Variants in ZNF672 observed in about 807,000 individuals in gnomAD.
ZNF672 encodes the protein hypothetical protein FLJ22301.
For missense variants in ZNF672, 733 were observed against 701.1 expected, an observed-to-expected ratio of 1.05 and a Z score of -0.51; for synonymous variants, 358 against 305.6, an observed-to-expected ratio of 1.17 and a Z score of -1.79.
chr1:248,848,086 T>C lies in ZNF672; in HGVS notation c.812T>C (p.Leu271Pro). 1 of 1,548,800 alleles carries C rather than the reference T, an allele frequency of 6.5e-7. No individual in the cohort carries two copies. The highest frequency in any genetic ancestry group is 8.7e-7 in the Non-Finnish European group (1 of 1,148,422). The change falls in exon 4 of 4, where the codon CTG (leucine) becomes CCG (proline). Residue 271 changes from leucine (L) to proline (P), a missense_variant. Physicochemically the swap from Leu to Pro is moderately conservative, Grantham distance 98. Transcript: ENST00000306562. Reference sequence around the variant, plus strand: ...TGCTTCAGCGAGAGTTCCACGCTGCTGCGCCATCGGCGCAGCCATCAGGGC... The same window carrying C: ...TGCTTCAGCGAGAGTTCCACGCTGCCGCGCCATCGGCGCAGCCATCAGGGC... ...GRCFSESSTLLRHRRSHQGER... is the reference protein window; with the variant it reads ...GRCFSESSTLPRHRRSHQGER...
chr1:248,847,765 G>A lies in ZNF672; in HGVS notation c.491G>A (p.Arg164His), dbSNP rs367960573. 2.7e-6 allele frequency: 4 copies of A among 1,506,086 alleles called. No homozygotes were observed. The highest frequency in any genetic ancestry group is 2.0e-5 in the Admixed American group (1 of 49,592). 93.3% of individuals were successfully genotyped at this position (1,506,086 alleles called of 1,614,324 possible). A position where few individuals can be genotyped will look rare whatever the true frequency, so the allele number is the denominator to read the frequency against. ...TTSDPAAPPH[R>H]CAQCPRAFRS... The stretch of plus-strand genomic sequence containing the variant: ...TCTGACCCTGCTGCCCCACCCCACC[G>A]CTGCGCGCAGTGCCCGCGAGCCTTC... Residue 164 changes from arginine (R) to histidine (H), a missense_variant, in exon 4 of 4, where the codon CGC (arginine) becomes CAC (histidine). By Grantham distance (29) the Arg-to-His change is conservative. Transcript: ENST00000306562.
intron 1 of ZNF672, among the ~76,000 whole-genome samples, chr1:248,843,451 G>C (rs1266072470): frequency 6.6e-6 from 1 of 152,150 alleles, no homozygotes; most frequent in Non-Finnish European, 1.5e-5. Context: ...CTAGGAACTA[G>C]GGCCTTGGAA....
Position 248,849,017 on chromosome 1 carries a change from CACATCTTCTCCTTTCCTGATT to C in ZNF672, c.*387_*407del, listed in dbSNP as rs1490777494. 1.9e-6 allele frequency: 1 copy of C among 517,056 alleles called. No individual in the cohort carries two copies. Among genetic ancestry groups the C allele is most frequent in the Admixed American group, 2.3e-5 (1 of 43,862 alleles). The allele number at this position is 517,056 out of a possible 1,614,324, so 32.0% of individuals were successfully genotyped here. A position where few individuals can be genotyped will look rare whatever the true frequency, so the allele number is the denominator to read the frequency against. On this transcript the variant is annotated 3_prime_UTR_variant, in exon 4 of 4. Coordinates refer to ENST00000306562, the MANE Select transcript of ZNF672 (RefSeq NM_024836.3). ...TCTCTTGTCCTATCTCATTCCAGCC[CACATCTTCTCCTTTCCTGATT>C]ACTTTTGTTGTCCTGCCTCTTCAGG...
Position 248,847,963 on chromosome 1 carries a change from C to G in ZNF672, c.689C>G (p.Pro230Arg). 2 of 1,564,784 alleles carry G rather than the reference C, an allele frequency of 1.3e-6. No individual in the cohort carries two copies. Among genetic ancestry groups the G allele is most frequent in the Non-Finnish European group, 1.7e-6 (2 of 1,156,210 alleles). Residue 230 changes from proline (P) to arginine (R), a missense_variant, in exon 4 of 4, where the codon CCG (proline) becomes CGG (arginine). Transcript: ENST00000306562. ...TCGGGGGAGAAACCCTTCAAGTGCC[C>G]GGAGTGCGGCAAGGGCTTCCTGGAG... is the stretch of plus-strand genomic sequence containing the variant. ...THSGEKPFKC[P>R]ECGKGFLESA... is the part of the protein sequence containing the mutation.
Position 248,841,716 on chromosome 1 carries a change from G to A in ZNF672, c.-474-2767G>A, listed in dbSNP as rs548376939. Among the ~76,000 whole-genome samples, 24 of 152,332 alleles carry A rather than the reference G, an allele frequency of 1.6e-4. No homozygotes were observed. In the South Asian group the frequency reaches 5.0e-3, roughly 32 times the overall value. The stretch of plus-strand genomic sequence containing the variant: ...GCAGGAGGATCAACTGAGGCCAGGA[G>A]TTCAAGACCAGCCTGGGCAACATGG... On this transcript the variant is annotated intron_variant, in intron 1 of 3. Transcript: ENST00000306562.
rs528819077 is a variant in ZNF672, at chr1:248,841,517, A to G, written c.-475+2966A>G. 2.7e-5 allele frequency among the ~76,000 whole-genome samples: 4 copies of G among 150,422 alleles called. No individual in the cohort carries two copies. The East Asian group carries it at 5.8e-4, about 22-fold the overall frequency. On this transcript the variant is annotated intron_variant, in intron 1 of 3. Transcript: ENST00000306562. ...CCTACATCCTGTTGCCTGTGTCTCAAAAGGACAGGGCAAGCTCCCACTATG... is the reference window on the plus strand; with the variant it reads ...CCTACATCCTGTTGCCTGTGTCTCAGAAGGACAGGGCAAGCTCCCACTATG...
At chr1:248,843,157 G>A (rs867849533) in intron 1 of ZNF672, among the ~76,000 whole-genome samples, 11 of 152,230 alleles carry the variant, frequency 7.2e-5, no homozygotes, top group East Asian at 3.9e-4. Context: ...ACCCACCTGC[G>A]CACTTGTGCT....
At chr1:248,839,673 G>A (rs1164426567) in intron 1 of ZNF672, among the ~76,000 whole-genome samples, 1 of 151,032 alleles carries the variant, frequency 6.6e-6, no homozygotes, top group Non-Finnish European at 1.5e-5. Flanking sequence ...CAACAAGAAG[G>A]ACTGTCCTAG....
Position 248,849,163 on chromosome 1 carries a change from G to T in ZNF672, c.*530G>T, listed in dbSNP as rs1056811222. On this transcript the variant is annotated 3_prime_UTR_variant, in exon 4 of 4. Coordinates refer to ENST00000306562, the MANE Select transcript of ZNF672 (RefSeq NM_024836.3). ...GTTTCTGAGAAATGTGGGTATGGAG[G>T]TGGGTGGGAAAGCTCACTTCCATGA... is the stretch of plus-strand genomic sequence containing the variant. 2.2e-6 allele frequency: 1 copy of T among 454,768 alleles called. No individual in the cohort carries two copies. Among genetic ancestry groups the T allele is most frequent in the Non-Finnish European group, 4.6e-6 (1 of 218,652 alleles). The allele number at this position is 454,768 out of a possible 1,614,324, so 28.2% of individuals were successfully genotyped here.
chr1:248,846,565 T>C (rs1218179589), intron 3 of ZNF672, among the ~76,000 whole-genome samples: 1 of 152,214 alleles, frequency 6.6e-6, no homozygotes, highest in Non-Finnish European at 1.5e-5. Flanking sequence ...TGTTTGTGCT[T>C]CATCACATTA....
chr1:248,848,107 A>G lies in ZNF672; in HGVS notation c.833A>G (p.Gln278Arg), dbSNP rs750449496. ...STLLRHRRSH[Q>R]GERPHACATC... is the part of the protein sequence containing the mutation. ...CTGCTGCGCCATCGGCGCAGCCATCAGGGCGAGCGGCCACATGCGTGCGCC... is the reference window on the plus strand; with the variant it reads ...CTGCTGCGCCATCGGCGCAGCCATCGGGGCGAGCGGCCACATGCGTGCGCC... Residue 278 changes from glutamine to arginine, a missense_variant, in exon 4 of 4, where the codon CAG becomes CGG. By Grantham distance (43) the Gln-to-Arg change is conservative (BLOSUM62 1). Transcript: ENST00000306562. 4 of 1,553,168 alleles carry G rather than the reference A, an allele frequency of 2.6e-6. No individual in the cohort carries two copies. The highest frequency in any genetic ancestry group is 3.5e-6 in the Non-Finnish European group (4 of 1,152,238).
In ZNF672 at chr1:248,843,974, G is replaced by A. The variant is rs146783518; in HGVS notation, c.-474-509G>A. ...TACCAACTCTGACTTCAAGATGACCGCTTGTTTCTTGTGAATCATGACTTT... is the reference window on the plus strand; with the variant it reads ...TACCAACTCTGACTTCAAGATGACCACTTGTTTCTTGTGAATCATGACTTT... On this transcript the variant is annotated intron_variant, in intron 1 of 3. Transcript: ENST00000306562. Among the ~76,000 whole-genome samples the A allele has an allele frequency of 3.6e-3, 552 of 152,272 alleles. 7 individuals carry two copies. Among genetic ancestry groups the A allele is most frequent in the South Asian group, 0.018 (86 of 4,822 alleles).
At chr1:248,845,905 C>T (rs767901050) in intron 3 of ZNF672, among the ~76,000 whole-genome samples, 4 of 151,342 alleles carry the variant, frequency 2.6e-5, no homozygotes, top group African/African-American at 7.4e-5. Flanking sequence ...TGAGAGAAGT[C>T]GTCAGTGCTG....
At position 248,847,236 on chromosome 1, in the gene ZNF672, AGT is replaced by A. The variant is rs1167534068; in HGVS notation, c.-35_-34del. On this transcript the variant is annotated 5_prime_UTR_variant, in exon 4 of 4. Coordinates refer to ENST00000306562, the MANE Select transcript of ZNF672 (RefSeq NM_024836.3). ...TGCAGCGTCAGGAGGTGGACCCCAG[AGT>A]GTGAGTGGCACGCTTCCCTGTGAAC... is the stretch of plus-strand genomic sequence containing the variant. The A allele has an allele frequency of 1.3e-6, 2 of 1,579,324 alleles. No individual in the cohort carries two copies. Among genetic ancestry groups the A allele is most frequent in the Admixed American group, 1.7e-5 (1 of 58,954 alleles).
Position 248,847,902 on chromosome 1 carries a change from A to C in ZNF672, c.628A>C (p.Lys210Gln), listed in dbSNP as rs376315749. 6.9e-5 allele frequency: 109 copies of C among 1,588,340 alleles called. No individual in the cohort carries two copies. The highest frequency in any genetic ancestry group is 8.5e-5 in the Non-Finnish European group (100 of 1,169,632). ...TGGCGTGTGCGGCAAGTGCTTTGGC[A>C]AGAGCTCTACGCTGACGCGACACCT... ...QCGVCGKCFGKSSTLTRHLQT... is the reference protein window; with the variant it reads ...QCGVCGKCFGQSSTLTRHLQT... The change falls in exon 4 of 4, where the codon AAG becomes CAG. Residue 210 changes from lysine to glutamine, a missense_variant. Transcript: ENST00000306562.
At chr1:248,846,884 A>G (rs1308259583) in intron 3 of ZNF672, among the ~76,000 whole-genome samples, 168 bp from the exon 4 acceptor site, 3 of 152,116 alleles carry the variant, frequency 2.0e-5, no homozygotes, top group African/African-American at 4.8e-5. Context: ...AAGTGGTTCA[A>G]GGACACCCCC....
chr1:248,847,250 G>A lies in ZNF672; in HGVS notation c.-25G>A. 2 of 1,587,686 alleles carry A rather than the reference G, an allele frequency of 1.3e-6. No homozygotes were observed. Among genetic ancestry groups the A allele is most frequent in the Non-Finnish European group, 1.7e-6 (2 of 1,159,004 alleles). On this transcript the variant is annotated 5_prime_UTR_variant, in exon 4 of 4. Coordinates refer to ENST00000306562, the MANE Select transcript of ZNF672 (RefSeq NM_024836.3). ...GTGGACCCCAGAGTGTGAGTGGCAC[G>A]CTTCCCTGTGAACCCGTCCTCACCA...
chr1:248,848,417 G>A lies in ZNF672; in HGVS notation c.1143G>A (p.Lys381=), dbSNP rs564605003. The A allele has an allele frequency of 6.2e-7, 1 of 1,606,252 alleles. No individual in the cohort carries two copies. The stretch of plus-strand genomic sequence containing the variant: ...GCAAGGCCTTCAGCGTCGCCTCCAA[G>A]CTTGCACTGCACCGCAAGACGCACC... The part of the protein sequence containing the change: ...ECSKAFSVAS[K]LALHRKTHLG... The change falls in exon 4 of 4, where the codon AAG becomes AAA. Residue 381 remains lysine, a synonymous_variant. Coordinates refer to ENST00000306562, the MANE Select transcript of ZNF672 (RefSeq NM_024836.3).
At position 248,849,239 on chromosome 1, in the gene ZNF672, C is replaced by T. The variant is rs1659289612; in HGVS notation, c.*606C>T. 2.5e-6 allele frequency: 1 copy of T among 397,256 alleles called. No homozygotes were observed. Among genetic ancestry groups the T allele is most frequent in the African/African-American group, 2.1e-5 (1 of 47,506 alleles). The allele number at this position is 397,256 out of a possible 1,614,324, so 24.6% of individuals were successfully genotyped here. Reference sequence around the variant, plus strand: ...CTGCACCCTGGCAGAGGTGGCCAGTCACGTGAAGGTGGGCAGGGCCCTTAG... The same window carrying T: ...CTGCACCCTGGCAGAGGTGGCCAGTTACGTGAAGGTGGGCAGGGCCCTTAG... On this transcript the variant is annotated 3_prime_UTR_variant, in exon 4 of 4. Coordinates refer to ENST00000306562, the MANE Select transcript of ZNF672 (RefSeq NM_024836.3).
Sources: allele counts gnomAD v4.1 joint callset (sites outside exome capture counted in the v4.1 genomes callset), GRCh38; gene constraint gnomAD v4.1.1; transcripts MANE v1.5; gene names NCBI Gene and HGNC (gene_info 2026-07-23, HGNC 2026-07-21).